Variants in PAN3 observed in about 807,000 individuals in gnomAD.
PAN3 encodes the protein poly(A) specific ribonuclease subunit PAN3, also known as PAN2-PAN3 deadenylation complex subunit PAN3.
A neutral mutation model predicts 96.2 loss-of-function variants in PAN3; 19 were observed. The observed-to-expected ratio is 0.20, with a 90% CI of 0.14 to 0.29. The LOEUF is 0.29. PAN3 is among the 10% of genes least tolerant of loss of function. The probability of loss-of-function intolerance (pLI) is 1.00; values close to 1 mark genes in which losing one functional copy is unlikely to be tolerated. For synonymous variants in PAN3, 433 were observed against 406.6 expected, an observed-to-expected ratio of 1.06 and a Z score of -0.78; for missense variants, 882 against 1,108.1, an observed-to-expected ratio of 0.80 and a Z score of 2.90.
At chr13:28,292,163 G>C (rs1325002647) in intron 18 of PAN3, among the ~76,000 whole-genome samples, 1 of 152,084 alleles carries the variant, frequency 6.6e-6, no homozygotes, top group Non-Finnish European at 1.5e-5. Context: ...ACAAACAAAC[G>C]TTAAGCGTGA....
At chr13:28,225,269 A>T in intron 6 of PAN3, among the ~76,000 whole-genome samples, 1 of 152,330 alleles carries the variant, frequency 6.6e-6, no homozygotes, top group South Asian at 2.1e-4. Flanking sequence ...TTGTTCAGAA[A>T]TATCAAAACT....
chr13:28,211,533 AAGT>A (rs1400718852), intron 5 of PAN3, among the ~76,000 whole-genome samples: 8 of 152,208 alleles, frequency 5.3e-5, no homozygotes, highest in African/African-American at 1.9e-4. Flanking sequence ...CTTTATAAGA[AAGT>A]AGATTGAATT....
chr13:28,139,526 G>T (rs1199066552), intron 1 of PAN3, among the ~76,000 whole-genome samples: 1 of 147,128 alleles, frequency 6.8e-6, no homozygotes, highest in Non-Finnish European at 1.5e-5. Flanking sequence ...GTGTGTGTGT[G>T]TGTGTGTGTG....
At chr13:28,202,797 A>G (rs73446947) in intron 5 of PAN3, among the ~76,000 whole-genome samples, 5,708 of 152,102 alleles carry the variant, frequency 0.038, 333 homozygotes, top group African/African-American at 0.13. Flanking sequence ...TAAATACTTG[A>G]GGTTAAGCAT....
At chr13:28,141,283 G>A (rs951261845) in intron 1 of PAN3, among the ~76,000 whole-genome samples, 8 of 151,660 alleles carry the variant, frequency 5.3e-5, no homozygotes, top group African/African-American at 1.9e-4. Context: ...GGGATTACAG[G>A]TGTGAGCCAC....
chr13:28,252,765 CAA>C (rs879414444), intron 6 of PAN3, among the ~76,000 whole-genome samples: 4 of 148,222 alleles, frequency 2.7e-5, no homozygotes, highest in East Asian at 3.9e-4. Context: ...GAGTAAATGA[CAA>C]AAAAAAATAC....
chr13:28,289,724 T>A (rs999507525), intron 18 of PAN3, among the ~76,000 whole-genome samples: 1 of 151,790 alleles, frequency 6.6e-6, no homozygotes, highest in Non-Finnish European at 1.5e-5. Flanking sequence ...TACTAAAAAA[T>A]TAAAAAAGTT....
intron 4 of PAN3, among the ~76,000 whole-genome samples, chr13:28,192,211 A>G (rs796698238): frequency 1.3e-5 from 2 of 151,948 alleles, no homozygotes; most frequent in Non-Finnish European, 2.9e-5. Context: ...CTGGGATTAC[A>G]GGCGCCTGCC....
At chr13:28,141,114 C>T (rs1593341228) in intron 1 of PAN3, among the ~76,000 whole-genome samples, 1 of 151,110 alleles carries the variant, frequency 6.6e-6, no homozygotes, top group Non-Finnish European at 1.5e-5. Context: ...AGCAATTCTC[C>T]TGCCTCAGCC....
rs570720308 is a variant in PAN3, at chr13:28,276,642, A to T, written c.2050-595A>T. On this transcript the variant is annotated intron_variant, in intron 14 of 18. Coordinates refer to ENST00000380958, the MANE Select transcript of PAN3 (RefSeq NM_175854.8). ...AAATAGTCTATTTGGAAACAAAGAT[A>T]GATGGGATGTCATTCATTGAGGTTT... Among the ~76,000 whole-genome samples, 29 of 152,338 alleles carry T rather than the reference A, an allele frequency of 1.9e-4. No individual in the cohort carries two copies. In the South Asian group the frequency reaches 3.3e-3, roughly 17 times the overall value.
intron 6 of PAN3, among the ~76,000 whole-genome samples, chr13:28,231,820 T>A (rs767985041): frequency 5.1e-4 from 77 of 152,174 alleles, no homozygotes; most frequent in Non-Finnish European, 8.8e-4. Flanking sequence ...GAGGATTGAT[T>A]GAGCTCAGGA....
intron 5 of PAN3, among the ~76,000 whole-genome samples, chr13:28,218,654 T>C (rs957143742): frequency 7.9e-5 from 12 of 152,154 alleles, no homozygotes; most frequent in Admixed American, 4.6e-4. Context: ...TTTTCCCCTT[T>C]ACAGGGTCTC....
At chr13:28,204,124 T>C (rs1162115333) in intron 5 of PAN3, among the ~76,000 whole-genome samples, 13 of 152,188 alleles carry the variant, frequency 8.5e-5, no homozygotes, top group African/African-American at 2.7e-4. Context: ...CTCTGTTTTA[T>C]ATTTTTTTCA....
At chr13:28,184,774 T>C (rs2138157158) in intron 4 of PAN3, among the ~76,000 whole-genome samples, 1 of 152,320 alleles carries the variant, frequency 6.6e-6, no homozygotes, top group South Asian at 2.1e-4. Context: ...TTCTCTTTTA[T>C]GTTTATTGGT....
At chr13:28,231,972 A>T (rs1471114224) in intron 6 of PAN3, among the ~76,000 whole-genome samples, 1 of 152,208 alleles carries the variant, frequency 6.6e-6, no homozygotes, top group Non-Finnish European at 1.5e-5. Context: ...ATTGCATAAT[A>T]TAAAGAGATT....
At chr13:28,233,314 T>A (rs1308902301) in intron 6 of PAN3, among the ~76,000 whole-genome samples, 1 of 151,550 alleles carries the variant, frequency 6.6e-6, no homozygotes, top group Non-Finnish European at 1.5e-5. Flanking sequence ...TTGCCCAGGC[T>A]GGAGTGCAGT....
intron 14 of PAN3, among the ~76,000 whole-genome samples, chr13:28,272,572 C>CTT (rs1320004749): frequency 7.0e-5 from 10 of 143,160 alleles, no homozygotes; most frequent in Non-Finnish European, 9.2e-5. Flanking sequence ...GTCAGAGACT[C>CTT]TTTTTTTTTT....
intron 1 of PAN3, among the ~76,000 whole-genome samples, chr13:28,148,718 CACACATATAT>C (rs765880542): frequency 3.2e-4 from 48 of 152,144 alleles, no homozygotes; most frequent in Middle Eastern, 3.2e-3. Context: ...AACACATTAA[CACACATATAT>C]ACACATATGC....
intron 2 of PAN3, among the ~76,000 whole-genome samples, chr13:28,174,607 CGG>C (rs1368318450): frequency 6.6e-6 from 1 of 151,940 alleles, no homozygotes; most frequent in East Asian, 1.9e-4. Context: ...GCAAGAGTGA[CGG>C]GAGTATGTAG....
Sources: allele counts gnomAD v4.1 joint callset (sites outside exome capture counted in the v4.1 genomes callset), GRCh38; gene constraint gnomAD v4.1.1; transcripts MANE v1.5; gene names NCBI Gene and HGNC (gene_info 2026-07-23, HGNC 2026-07-21).